The following FGF9 variants were observed in gnomAD, a reference collection of about 807,000 sequenced individuals.
FGF9 encodes fibroblast growth factor 9.
Under a neutral mutation model 19.9 loss-of-function variants are expected in FGF9, and 3 were observed. That is an observed-to-expected ratio of 0.15 (90% CI 0.07 to 0.39). FGF9 has a LOEUF of 0.39. Ranked by LOEUF, FGF9 falls within the 10% of genes least tolerant of loss-of-function variation. The pLI is 1.00. For missense variants in FGF9, 175 were observed against 256.8 expected (o/e 0.68, Z 2.18); for synonymous variants, 107 against 106.9 (o/e 1.00, Z -0.01).
At chr13:21,699,069 TG>T (rs1872480945) in intron 2 of FGF9, among the ~76,000 whole-genome samples, 1 of 152,204 alleles carries the variant, frequency 6.6e-6, no homozygotes, top group Non-Finnish European at 1.5e-5. Flanking sequence ...TCAATAGAGA[TG>T]AGAGGGAAGT....
At position 21,671,726 on chromosome 13, in the gene FGF9, C is replaced by T; in HGVS notation, c.-187C>T. 3.0e-6 allele frequency: 2 copies of T among 666,606 alleles called. No individual in the cohort carries two copies. Among genetic ancestry groups the T allele is most frequent in the Non-Finnish European group, 5.2e-6 (2 of 385,908 alleles). The allele number at this position is 666,606 out of a possible 1,614,324, so 41.3% of individuals were successfully genotyped here. A position where few individuals can be genotyped will look rare whatever the true frequency, so the allele number is the denominator to read the frequency against. On this transcript the variant is annotated 5_prime_UTR_variant, in exon 1 of 3. Transcript: ENST00000382353. ...AGACTATCAGTGGTTTGACCTTGAA[C>T]CTGTGCCAGTGAAACAGCAGATTAC...
At chr13:21,680,303 T>G (rs946950081) in intron 1 of FGF9, among the ~76,000 whole-genome samples, 44 of 152,182 alleles carry the variant, frequency 2.9e-4, no homozygotes, top group African/African-American at 1.0e-3. Flanking sequence ...CAAAAATAAT[T>G]GGGATGTATG....
intron 2 of FGF9, 75 bp from the exon 3 acceptor site, chr13:21,701,115 A>G: frequency 8.0e-7 from 1 of 1,251,682 alleles, no homozygotes; most frequent in South Asian, 1.3e-5. Context: ...GCACCTATCA[A>G]TCCATCCCCT....
Position 21,691,882 on chromosome 13 carries a change from G to T in FGF9, c.382-9308G>T, listed in dbSNP as rs553485878. 2.0e-5 allele frequency among the ~76,000 whole-genome samples: 3 copies of T among 152,188 alleles called. No individual in the cohort carries two copies. Among genetic ancestry groups the T allele is most frequent in the South Asian group, 4.1e-4 (2 of 4,826 alleles). ...AGAGGGCTTCCCCCGAGGACTAAAA[G>T]GTTATGGTGCTAAGTGTGAGAGCCA... On this transcript the variant is annotated intron_variant, in intron 2 of 2. Coordinates refer to ENST00000382353, the MANE Select transcript of FGF9 (RefSeq NM_002010.3). This position sits in a 1 kb window ranked among gnomAD's most constrained non-coding sequence, Gnocchi z 4.2.
At chr13:21,686,475 G>T (rs1872160942) in intron 2 of FGF9, among the ~76,000 whole-genome samples, 1 of 152,180 alleles carries the variant, frequency 6.6e-6, no homozygotes, top group Non-Finnish European at 1.5e-5. Context: ...GCTGGTACAG[G>T]TACTAACATT....
chr13:21,673,079 G>A (rs906590152), intron 1 of FGF9, among the ~76,000 whole-genome samples: 1 of 152,148 alleles, frequency 6.6e-6, no homozygotes, highest in Non-Finnish European at 1.5e-5. Context: ...GCTTGCCGGG[G>A]CACCCTGAGC....
intron 1 of FGF9, among the ~76,000 whole-genome samples, chr13:21,680,364 G>T (rs890173423): frequency 6.6e-6 from 1 of 152,142 alleles, no homozygotes. Context: ...ACACAATAGA[G>T]AGCTGGATAA....
chr13:21,695,893 A>G (rs759322917), intron 2 of FGF9, among the ~76,000 whole-genome samples: 1 of 152,246 alleles, frequency 6.6e-6, no homozygotes, highest in African/African-American at 2.4e-5. Context: ...CAAGTAGTCT[A>G]AGCGGCCCAT....
intron 1 of FGF9, among the ~76,000 whole-genome samples, chr13:21,677,175 C>T (rs1871937203): frequency 6.6e-6 from 1 of 152,246 alleles, no homozygotes; most frequent in Middle Eastern, 3.4e-3. Context: ...CTATCACTAC[C>T]CATTACTGTG....
In FGF9 at chr13:21,700,946, G is replaced by A. The variant is rs17840922; in HGVS notation, c.382-244G>A. ...TGTTTTCTCATGGGGGTTATATTGT[G>A]TAGCAACGGAATGTTACTTTTAATA... On this transcript the variant is annotated intron_variant, in intron 2 of 2. Transcript: ENST00000382353. Among the ~76,000 whole-genome samples, 1,397 of 152,308 alleles carry A rather than the reference G, an allele frequency of 9.2e-3. 25 individuals carry two copies. The highest frequency in any genetic ancestry group is 0.032 in the African/African-American group (1,341 of 41,556).
chr13:21,671,357 C>T lies in FGF9; in HGVS notation c.-556C>T. On this transcript the variant is annotated 5_prime_UTR_variant, in exon 1 of 3. Coordinates refer to ENST00000382353, the MANE Select transcript of FGF9 (RefSeq NM_002010.3). ...GGGGGGACCGGGAGGGGAGATTTGT[C>T]GCCGCCACCAACGTGAGATTTTTTT... The T allele has an allele frequency of 2.5e-6, 1 of 394,404 alleles. No homozygotes were observed. The highest frequency in any genetic ancestry group is 4.5e-6 in the Non-Finnish European group (1 of 224,254). 24.4% of individuals were successfully genotyped at this position (394,404 alleles called of 1,614,324 possible).
intron 1 of FGF9, among the ~76,000 whole-genome samples, chr13:21,673,398 C>A (rs1418511330): frequency 6.6e-6 from 1 of 152,160 alleles, no homozygotes; most frequent in Non-Finnish European, 1.5e-5. Context: ...GGTCCCAGAT[C>A]CACGAGGCCC....
chr13:21,675,614 C>T (rs1210135667), intron 1 of FGF9, among the ~76,000 whole-genome samples: 1 of 152,172 alleles, frequency 6.6e-6, no homozygotes, highest in Non-Finnish European at 1.5e-5. Flanking sequence ...CCTCCGCAGC[C>T]CGGCTCCCCT....
chr13:21,676,670 T>G (rs1871923224), intron 1 of FGF9, among the ~76,000 whole-genome samples: 1 of 152,194 alleles, frequency 6.6e-6, no homozygotes. Flanking sequence ...GCTTAATCAT[T>G]AATTTTCTGC....
At chr13:21,692,237 CT>C (rs1305341903) in intron 2 of FGF9, among the ~76,000 whole-genome samples, 2 of 152,216 alleles carry the variant, frequency 1.3e-5, no homozygotes, top group Non-Finnish European at 2.9e-5. Flanking sequence ...TTCTCCTGCT[CT>C]ATTCCTTTCT....
chr13:21,672,948 A>G lies in FGF9; in HGVS notation c.277+759A>G, dbSNP rs1871804008. Among the ~76,000 whole-genome samples, 1 of 152,140 alleles carries G rather than the reference A, an allele frequency of 6.6e-6. No homozygotes were observed. Among genetic ancestry groups the G allele is most frequent in the African/African-American group, 2.4e-5 (1 of 41,420 alleles). Reference sequence around the variant, plus strand: ...TGTGTGCGCGCGTGCAAACGCTGCGAGCGAATTTTAAAGGGCATTCCGAGG... The same window carrying G: ...TGTGTGCGCGCGTGCAAACGCTGCGGGCGAATTTTAAAGGGCATTCCGAGG... On this transcript the variant is annotated intron_variant, in intron 1 of 2. Transcript: ENST00000382353. This position sits in a 1 kb window ranked among gnomAD's most constrained non-coding sequence, Gnocchi z 4.2.
Position 21,671,788 on chromosome 13 carries a change from C to CTT in FGF9, c.-118_-117dup, listed in dbSNP as rs10624265. ...CATTTAATGGATTGAAGAAAAGAAC[C>CTT]TTTTTTTTCTCTCTCTCTCTGCAAC... On this transcript the variant is annotated 5_prime_UTR_variant, in exon 1 of 3. Coordinates refer to ENST00000382353, the MANE Select transcript of FGF9 (RefSeq NM_002010.3). The CTT allele has an allele frequency of 0.34, 357,621 of 1,059,748 alleles. 58,682 individuals carry two copies. The highest frequency in any genetic ancestry group is 0.38 in the East Asian group (15,501 of 41,258). 65.6% of individuals were successfully genotyped at this position (1,059,748 alleles called of 1,614,324 possible).
chr13:21,692,446 CA>C (rs1872314434), intron 2 of FGF9, among the ~76,000 whole-genome samples: 1 of 152,138 alleles, frequency 6.6e-6, no homozygotes, highest in South Asian at 2.1e-4. Flanking sequence ...GCATGCTGAC[CA>C]GTTGCAACTT....
At chr13:21,692,529 A>T (rs992536404) in intron 2 of FGF9, among the ~76,000 whole-genome samples, 1 of 152,198 alleles carries the variant, frequency 6.6e-6, no homozygotes, top group Non-Finnish European at 1.5e-5. Flanking sequence ...CCCTGCAGCC[A>T]TGGGCCGTCT....
Sources: allele counts gnomAD v4.1 joint callset (sites outside exome capture counted in the v4.1 genomes callset), GRCh38; gene constraint gnomAD v4.1.1; non-coding constraint Gnocchi (gnomAD v3.1); transcripts MANE v1.5; gene names NCBI Gene and HGNC (gene_info 2026-07-23, HGNC 2026-07-21).